Variants in NEB observed in about 807,000 individuals in gnomAD.
NEB encodes nebulin, also known as nemaline myopathy type 2.
A neutral mutation model predicts 952.2 loss-of-function variants in NEB; 512 were observed. The observed-to-expected ratio is 0.54, with a 90% CI of 0.50 to 0.58. The LOEUF is 0.58. NEB is among the 20% of genes least tolerant of loss of function. The probability of loss-of-function intolerance (pLI) is 0.00; values close to 1 mark genes in which losing one functional copy is unlikely to be tolerated. For missense variants in NEB, 8,428 were observed against 9,231.1 expected (o/e 0.91, Z 3.56); for synonymous variants, 2,900 against 3,149.8 (o/e 0.92, Z 2.66).
At chr2:151,568,018 C>A (rs888812799) in intron 113 of NEB, 53 bp downstream of exon 113, 1 of 1,371,306 alleles carries the variant, frequency 7.3e-7, no homozygotes, top group African/African-American at 1.4e-5. Flanking sequence ...AACTGGAATC[C>A]CTGGGAGCAA....
At chr2:151,633,520 A>G in intron 65 of NEB, 134 bp downstream of exon 65, 1 of 1,270,508 alleles carries the variant, frequency 7.9e-7, no homozygotes, top group Non-Finnish European at 1.1e-6. Context: ...AAAGCAATAA[A>G]ATTGTATTCT....
chr2:151,647,115 A>T (rs1213537013), intron 54 of NEB, among the ~76,000 whole-genome samples: 1 of 147,748 alleles, frequency 6.8e-6, no homozygotes, highest in African/African-American at 2.5e-5. Context: ...AAAACTAATA[A>T]TTTTTTTTTT....
Position 151,512,748 on chromosome 2 carries a change from C to T in NEB, c.23331G>A (p.Lys7777=), listed in dbSNP as rs1447037256. Residue 7777 remains lysine (K), a synonymous_variant, in exon 161 of 182, where the codon AAG becomes AAA. Coordinates refer to ENST00000397345, the MANE Select transcript of NEB (RefSeq NM_001164508.2). ...TPEIIHAQQV[K]NLSSQKKYKE... ...ATGTCCTTACCTGGCTTGAAAGATTCTTGACTTGTTGGGCATGAATGATCT... is the reference window on the plus strand; with the variant it reads ...ATGTCCTTACCTGGCTTGAAAGATTTTTGACTTGTTGGGCATGAATGATCT... 6.2e-7 allele frequency: 1 copy of T among 1,613,606 alleles called. No individual in the cohort carries two copies. Among genetic ancestry groups the T allele is most frequent in the Non-Finnish European group, 8.5e-7 (1 of 1,179,612 alleles).
chr2:151,510,020 T>G (rs2072844195), intron 161 of NEB, among the ~76,000 whole-genome samples: 1 of 152,250 alleles, frequency 6.6e-6, no homozygotes, highest in African/African-American at 2.4e-5. Context: ...TATGTCTTTG[T>G]GTAAGTGTTC....
At chr2:151,555,100 T>C in intron 124 of NEB, 56 bp from the exon 125 acceptor site, 1 of 1,228,828 alleles carries the variant, frequency 8.1e-7, no homozygotes, top group Non-Finnish European at 1.2e-6. Flanking sequence ...GGATTTATAT[T>C]ATTAAAACAG....
intron 54 of NEB, among the ~76,000 whole-genome samples, chr2:151,647,680 T>C (rs747398931): frequency 6.6e-6 from 1 of 151,994 alleles, no homozygotes; most frequent in Non-Finnish European, 1.5e-5. Flanking sequence ...AAAACCCAAA[T>C]GGAGGGAGAT....
chr2:151,610,077 A>G lies in NEB; in HGVS notation c.12062T>C (p.Ile4021Thr), dbSNP rs370068571. ...ATCATCTTCAATGCTCTGGGCTCCA[A>G]TGTGGTGGCCTTTCTGTTTCTCATA... Reference protein sequence around the residue: ...EAYEKQKGHHIGAQSIEDDPK... With the variant: ...EAYEKQKGHHTGAQSIEDDPK... The change falls in exon 81 of 182, where the codon ATT becomes ACT. Residue 4021 changes from isoleucine to threonine, a missense_variant. Coordinates refer to ENST00000397345, the MANE Select transcript of NEB (RefSeq NM_001164508.2). 3.0e-5 allele frequency: 48 copies of G among 1,613,608 alleles called. No individual in the cohort carries two copies. Among genetic ancestry groups the G allele is most frequent in the Non-Finnish European group, 3.7e-5 (44 of 1,179,796 alleles).
rs1553484895 is a variant in NEB at position 151,663,640 on chromosome 2, C to T, written c.5671G>A (p.Ala1891Thr). 5 of 1,613,680 alleles carry T rather than the reference C, an allele frequency of 3.1e-6. No individual in the cohort carries two copies. In the Admixed American group the frequency reaches 8.3e-5, roughly 27 times the overall value. ...GTATGGATCACGTTCCTGTAGTTGG[C>T]ATTGGTGGCCACTTCCTGAGACTTC... ...AKKSQEVATN[A>T]NYRNVIHTYN... is the part of the protein sequence containing the mutation. Residue 1891 changes from alanine (A) to threonine (T), a missense_variant, in exon 45 of 182, where the codon GCC becomes ACC. By Grantham distance (58) the Ala-to-Thr change is moderately conservative. Around this residue, in one of 11 missense-constraint regions of NEB, gnomAD observed 2,851 missense variants for 2,791.5 expected, o/e 1.02. Coordinates refer to ENST00000397345, the MANE Select transcript of NEB (RefSeq NM_001164508.2).
chr2:151,501,303 T>G, intron 168 of NEB, 88 bp downstream of exon 168: 1 of 862,178 alleles, frequency 1.2e-6, no homozygotes, highest in Non-Finnish European at 1.8e-6. Flanking sequence ...GTTAAATTGA[T>G]TATTATAAAG....
At position 151,494,212 on chromosome 2, in the gene NEB, A is replaced by G. The variant is rs780085645; in HGVS notation, c.24528T>C (p.Pro8176=). 5 of 1,607,720 alleles carry G rather than the reference A, an allele frequency of 3.1e-6. No individual in the cohort carries two copies. Among genetic ancestry groups the G allele is most frequent in the Admixed American group, 3.4e-5 (2 of 59,406 alleles). ...TGACTCTCTGCATCTCAGGAGTGAC[A>G]GGGGTTGCGGTGGCTTTCCCCACAT... is the stretch of plus-strand genomic sequence containing the variant. ...KENVGKATAT[P]VTPEMQRVKR... Residue 8176 remains proline (P), a synonymous_variant, in exon 174 of 182, where the codon CCT becomes CCC. Transcript: ENST00000397345.
At position 151,684,823 on chromosome 2, in the gene NEB, G is replaced by A. The variant is rs2099479427; in HGVS notation, c.2790C>T (p.Ser930=). ...CCTTCTTGGCAAGGTCCACATTGATGCTATCAGGGGGGTAGCTGTAACTGT... is the reference window on the plus strand; with the variant it reads ...CCTTCTTGGCAAGGTCCACATTGATACTATCAGGGGGGTAGCTGTAACTGT... ...ILHSYSYPPD[S]INVDLAKKAY... Residue 930 remains serine, a synonymous_variant, in exon 28 of 182, where the codon AGC becomes AGT. Transcript: ENST00000397345. 1 of 1,613,142 alleles carries A rather than the reference G, an allele frequency of 6.2e-7. No homozygotes were observed. Among genetic ancestry groups the A allele is most frequent in the East Asian group, 2.2e-5 (1 of 44,872 alleles).
intron 77 of NEB, 110 bp from the exon 78 acceptor site, chr2:151,612,499 A>T: frequency 4.6e-6 from 5 of 1,091,704 alleles, no homozygotes; most frequent in Non-Finnish European, 6.6e-6. Context: ...TATTTGTGTA[A>T]ATTTCTGGGA....
rs1015014078 is a variant in NEB, at chr2:151,612,308, T to C, written c.11683A>G (p.Arg3895Gly). 15 of 1,613,766 alleles carry C rather than the reference T, an allele frequency of 9.3e-6. No individual in the cohort carries two copies. In the Admixed American group the frequency reaches 1.7e-4, roughly 18 times the overall value. Residue 3895 changes from arginine (R) to glycine (G), a missense_variant, in exon 78 of 182, where the codon AGA (arginine) becomes GGA (glycine). This residue lies in a region of NEB where 337 missense variants were observed against 297.5 expected (regional missense o/e 1.13). Transcript: ENST00000397345. ...IGSVEVEKVK[R>G]AGEILSDRKY... is the part of the protein sequence containing the mutation. ...CTGTCACTCAGGATTTCTCCAGCTC[T>C]CTTCACTTTCTCGACCTCTACAGAG...
At chr2:151,556,578 C>T (rs185226825) in intron 124 of NEB, among the ~76,000 whole-genome samples, 8 of 152,218 alleles carry the variant, frequency 5.3e-5, no homozygotes, top group Admixed American at 2.6e-4. Flanking sequence ...AGGTTTTACA[C>T]AGACTTTAAA....
chr2:151,518,356 G>C lies in NEB; in HGVS notation c.22762C>G (p.Gln7588Glu), dbSNP rs778953378. The C allele has an allele frequency of 6.2e-7, 1 of 1,611,750 alleles. No individual in the cohort carries two copies. Among genetic ancestry groups the C allele is most frequent in the Non-Finnish European group, 8.5e-7 (1 of 1,177,934 alleles). ...TCTGTGGCCTCTTTTAGGTGAAGCT[G>C]CTCCAGATTATCGGGTATGGTGTGG... The part of the protein sequence containing the change: ...HYHTIPDNLE[Q>E]LHLKEATELQ... Residue 7588 changes from glutamine (Q) to glutamate (E), a missense_variant, in exon 156 of 182, where the codon CAG becomes GAG. Around this residue, in one of 11 missense-constraint regions of NEB, gnomAD observed 3,374 missense variants for 3,651.5 expected, o/e 0.92. Coordinates refer to ENST00000397345, the MANE Select transcript of NEB (RefSeq NM_001164508.2).
intron 63 of NEB, 23 bp downstream of exon 63, chr2:151,639,257 A>C: frequency 6.7e-7 from 1 of 1,493,322 alleles, no homozygotes; most frequent in Non-Finnish European, 9.0e-7. Flanking sequence ...GCAGTGTGCA[A>C]ATGTCAAAGA....
intron 71 of NEB, among the ~76,000 whole-genome samples, chr2:151,623,064 C>T (rs138558301): frequency 1.4e-4 from 22 of 152,272 alleles, no homozygotes; most frequent in African/African-American, 3.6e-4. Flanking sequence ...TTACTTAAAA[C>T]GATCCATGCC....
chr2:151,665,585 T>C, intron 41 of NEB, 46 bp from the exon 42 acceptor site: 1 of 1,441,080 alleles, frequency 6.9e-7, no homozygotes, highest in Non-Finnish European at 9.3e-7. Context: ...AGTCAGGGCT[T>C]GTGTTTCTTT....
In NEB at chr2:151,568,226, G is replaced by A. The variant is rs774214977; in HGVS notation, c.17737-48C>T. 8 of 1,591,470 alleles carry A rather than the reference G, an allele frequency of 5.0e-6. No homozygotes were observed. In the East Asian group the frequency reaches 1.6e-4, roughly 31 times the overall value. On this transcript the variant is annotated intron_variant, in intron 112 of 181. Transcript: ENST00000397345. ...AGGGTTAAAATGAGGAGTCAGAAGGGAGGGGTAAGTTGTGTGCATAATTAT... is the reference window on the plus strand; with the variant it reads ...AGGGTTAAAATGAGGAGTCAGAAGGAAGGGGTAAGTTGTGTGCATAATTAT...
Sources: allele counts gnomAD v4.1 joint callset (sites outside exome capture counted in the v4.1 genomes callset), GRCh38; gene constraint gnomAD v4.1.1; regional missense constraint gnomAD v4.1.1; transcripts MANE v1.5; gene names NCBI Gene and HGNC (gene_info 2026-07-23, HGNC 2026-07-21).